DPYD: variants seen among roughly 807,000 people sequenced by gnomAD.
DPYD encodes dihydropyrimidine dehydrogenase [NADP(+)].
DPYD carries 109 observed loss-of-function variants against 116.2 expected under a neutral mutation model. The observed-to-expected ratio is 0.94, with a 90% CI of 0.80 to 1.10. DPYD has a LOEUF of 1.10. Ranked by LOEUF, DPYD falls within the 50% of genes least tolerant of loss-of-function variation. DPYD has a pLI of 0.00. For missense variants in DPYD, 1,302 were observed against 1,254.5 expected (o/e 1.04, Z -0.57); for synonymous variants, 440 against 432.0 (o/e 1.02, Z -0.23).
chr1:97,650,412 C>T (rs1319934063), intron 8 of DPYD, among the ~76,000 whole-genome samples: 1 of 152,106 alleles, frequency 6.6e-6, no homozygotes, highest in Non-Finnish European at 1.5e-5. Flanking sequence ...TAGTTTTATG[C>T]TAAGACCTAA....
At chr1:97,354,754 C>G (rs546274121) in intron 16 of DPYD, among the ~76,000 whole-genome samples, 2 of 152,116 alleles carry the variant, frequency 1.3e-5, no homozygotes, top group Non-Finnish European at 2.9e-5. Context: ...GCCAATGACA[C>G]GAAAAGACAT....
At chr1:97,893,462 A>ATATATATATG (rs1553256548) in intron 1 of DPYD, among the ~76,000 whole-genome samples, 32 of 139,834 alleles carry the variant, frequency 2.3e-4, no homozygotes, top group African/African-American at 6.3e-4. Context: ...ATATATATAT[A>ATATATATATG]GCAATGGAGA....
At chr1:97,920,792 G>T in intron 1 of DPYD, 92 bp downstream of exon 1, 2 of 1,507,586 alleles carry the variant, frequency 1.3e-6, no homozygotes, top group Non-Finnish European at 1.8e-6. Flanking sequence ...CACTCTCCGG[G>T]GTGCGGGGGC....
intron 4 of DPYD, among the ~76,000 whole-genome samples, chr1:97,726,735 T>C (rs2101038999): frequency 6.6e-6 from 1 of 151,436 alleles, no homozygotes; most frequent in Non-Finnish European, 1.5e-5. Flanking sequence ...AAAAAAAACA[T>C]AATCCAATTA....
chr1:97,503,394 C>T (rs920832265), intron 13 of DPYD, among the ~76,000 whole-genome samples: 7 of 151,998 alleles, frequency 4.6e-5, no homozygotes, highest in African/African-American at 1.7e-4. Context: ...GCAAGGACCC[C>T]AGCTGCTGTG....
At chr1:97,915,837 A>G (rs942748156) in intron 1 of DPYD, among the ~76,000 whole-genome samples, 1 of 152,172 alleles carries the variant, frequency 6.6e-6, no homozygotes, top group Non-Finnish European at 1.5e-5. Flanking sequence ...TCTCCTCTTT[A>G]GCTGTATTGA....
At chr1:97,810,301 A>AT (rs1299297615) in intron 3 of DPYD, among the ~76,000 whole-genome samples, 1 of 151,032 alleles carries the variant, frequency 6.6e-6, no homozygotes, top group Non-Finnish European at 1.5e-5. Flanking sequence ...AAAAAAAAAA[A>AT]AAAAAGAAGC....
chr1:97,784,462 T>C (rs1414652137), intron 3 of DPYD, among the ~76,000 whole-genome samples: 1 of 152,172 alleles, frequency 6.6e-6, no homozygotes, highest in African/African-American at 2.4e-5. Context: ...TCTAAGTGTT[T>C]TAAACAAATG....
At chr1:97,133,281 A>G (rs561224718) in intron 20 of DPYD, among the ~76,000 whole-genome samples, 1 of 152,182 alleles carries the variant, frequency 6.6e-6, no homozygotes, top group South Asian at 2.1e-4. Context: ...GCAGATAAAT[A>G]TATTTTTGGT....
rs772826416 is a variant in DPYD at position 97,098,502 on chromosome 1, A to G, written c.2753T>C (p.Ile918Thr). The change falls in exon 21 of 23, where the codon ATT becomes ACT. Residue 918 changes from isoleucine to threonine, a missense_variant. By Grantham distance (89) the Ile-to-Thr change is moderately conservative. Coordinates refer to ENST00000370192, the MANE Select transcript of DPYD (RefSeq NM_000110.4). ...CATAATTTTTACCTTGATGGTAGGA[A>G]TAGGCCTTTTGGGGATAAAACAGTT... ...KRNCFIPKRP[I>T]PTIKDVIGKA... The G allele has an allele frequency of 8.1e-5, 131 of 1,612,194 alleles. No individual in the cohort carries two copies. Among genetic ancestry groups the G allele is most frequent in the Non-Finnish European group, 1.1e-4 (127 of 1,178,862 alleles).
At chr1:97,577,090 C>G (rs562269216) in intron 10 of DPYD, among the ~76,000 whole-genome samples, 5 of 152,302 alleles carry the variant, frequency 3.3e-5, no homozygotes, top group African/African-American at 9.6e-5. Flanking sequence ...AATGAAAACA[C>G]AGGGTAAACT....
Position 97,858,068 on chromosome 1 carries a change from G to A in DPYD, c.150+25196C>T, listed in dbSNP as rs754764705. Among the ~76,000 whole-genome samples the A allele has an allele frequency of 4.6e-5, 7 of 152,094 alleles. No individual in the cohort carries two copies. In the South Asian group the frequency reaches 1.5e-3, roughly 32 times the overall value. On this transcript the variant is annotated intron_variant, in intron 2 of 22. Coordinates refer to ENST00000370192, the MANE Select transcript of DPYD (RefSeq NM_000110.4). ...ACATAAGTTGATCCTCTTCCAATGA[G>A]TCTGTTTCTAAAGATTCAGAATTAT...
chr1:97,799,255 A>G (rs964116571), intron 3 of DPYD, among the ~76,000 whole-genome samples: 1 of 151,944 alleles, frequency 6.6e-6, no homozygotes, highest in Non-Finnish European at 1.5e-5. Context: ...GAGACATTAT[A>G]CAATGGTTAG....
At chr1:97,829,307 T>C (rs970092045) in intron 2 of DPYD, among the ~76,000 whole-genome samples, 1 of 151,982 alleles carries the variant, frequency 6.6e-6, no homozygotes, top group Admixed American at 6.6e-5. Context: ...TAAACCACTA[T>C]TTTTAACCTT....
intron 18 of DPYD, among the ~76,000 whole-genome samples, chr1:97,253,433 T>G (rs1286339950): frequency 1.3e-5 from 2 of 152,150 alleles, no homozygotes; most frequent in African/African-American, 4.8e-5. Flanking sequence ...ACTAACTCTT[T>G]CAATAAACTT....
chr1:97,887,658 A>G lies in DPYD; in HGVS notation c.40-4284T>C, dbSNP rs551032037. On this transcript the variant is annotated intron_variant, in intron 1 of 22. Coordinates refer to ENST00000370192, the MANE Select transcript of DPYD (RefSeq NM_000110.4). ...CCATACAGACACACAAAAAAAGGAG[A>G]CAACAGAAACTCCCATTAAGAGGGC... Among the ~76,000 whole-genome samples, 13 of 151,844 alleles carry G rather than the reference A, an allele frequency of 8.6e-5. 1 individual carries two copies. The South Asian group carries it at 2.7e-3, about 32-fold the overall frequency.
intron 16 of DPYD, among the ~76,000 whole-genome samples, chr1:97,340,571 G>C (rs1348821297): frequency 6.6e-6 from 1 of 152,142 alleles, no homozygotes; most frequent in Admixed American, 6.5e-5. Context: ...CTACTTTCGG[G>C]AGGCTGAGGT....
At chr1:97,150,067 C>T (rs958615282) in intron 20 of DPYD, among the ~76,000 whole-genome samples, 3 of 152,138 alleles carry the variant, frequency 2.0e-5, no homozygotes, top group African/African-American at 4.8e-5. Context: ...GGCCGTCCTT[C>T]AGGTTTTTGC....
At chr1:97,799,463 A>T (rs1166766006) in intron 3 of DPYD, among the ~76,000 whole-genome samples, 1 of 145,114 alleles carries the variant, frequency 6.9e-6, no homozygotes, top group Admixed American at 7.0e-5. Context: ...TTTCATCCTG[A>T]AAAAAAAATC....
Sources: gnomAD v4.1 joint callset for allele counts (sites outside exome capture counted in the v4.1 genomes callset) on GRCh38, gnomAD v4.1.1 for gene constraint, MANE v1.5 for transcripts, NCBI Gene and HGNC (gene_info 2026-07-23, HGNC 2026-07-21) for gene names.